Variants in RERE observed in about 807,000 individuals in gnomAD.
The protein encoded by RERE is arginine-glutamic acid dipeptide repeats protein.
In RERE, 40 loss-of-function variants were observed where a neutral mutation model predicts 146.1. The observed-to-expected ratio is 0.27, with a 90% confidence interval of 0.21 to 0.36. The LOEUF is 0.36. Ranked by LOEUF, RERE falls within the 10% of genes least tolerant of loss-of-function variation. The pLI, the probability that RERE is intolerant of heterozygous loss-of-function variation, is 1.00. For synonymous variants in RERE, 1,003 were observed against 866.0 expected (o/e 1.16, Z -2.78); for missense variants, 1,933 against 2,138.7 (o/e 0.90, Z 1.90).
chr1:8,445,896 T>G (rs1430504124), intron 11 of RERE, among the ~76,000 whole-genome samples: 2 of 134,200 alleles, frequency 1.5e-5, no homozygotes, highest in Non-Finnish European at 3.1e-5. Context: ...ACTGTTCAAC[T>G]CCCACTTACG....
chr1:8,781,062 AAAAAAAAAT>A, intron 1 of RERE, among the ~76,000 whole-genome samples: 1 of 151,930 alleles, frequency 6.6e-6, no homozygotes, highest in East Asian at 1.9e-4. Context: ...TCTGTACAAA[AAAAAAAAAT>A]TCTCGGCCAG....
At chr1:8,579,204 T>G (rs1646333505) in intron 4 of RERE, among the ~76,000 whole-genome samples, 1 of 152,184 alleles carries the variant, frequency 6.6e-6, no homozygotes, top group African/African-American at 2.4e-5. Context: ...GCTCTCTGCC[T>G]ACTACCATCA....
intron 1 of RERE, among the ~76,000 whole-genome samples, chr1:8,811,883 A>C (rs1432224384): frequency 1.3e-5 from 2 of 152,196 alleles, no homozygotes; most frequent in Non-Finnish European, 2.9e-5. Context: ...ATTCATATAC[A>C]GGGCCATGGC....
chr1:8,681,734 A>G (rs1638976066), intron 1 of RERE, among the ~76,000 whole-genome samples: 1 of 152,220 alleles, frequency 6.6e-6, no homozygotes, highest in Non-Finnish European at 1.5e-5. Context: ...AAGAAATTAA[A>G]CTGAAATAGG....
intron 1 of RERE, among the ~76,000 whole-genome samples, chr1:8,741,736 C>G: frequency 6.6e-6 from 1 of 152,266 alleles, no homozygotes; most frequent in East Asian, 1.9e-4. Flanking sequence ...ATTACCCAGT[C>G]TTAGACAGTT....
chr1:8,690,086 C>T lies in RERE; in HGVS notation c.-144-33645G>A, dbSNP rs147487652. Among the ~76,000 whole-genome samples the T allele has an allele frequency of 5.1e-3, 769 of 152,266 alleles. 9 individuals carry two copies. Among genetic ancestry groups the T allele is most frequent in the African/African-American group, 0.017 (719 of 41,516 alleles). Reference sequence around the variant, plus strand: ...AAAATTTATGCTCTGTATTAGTCCGCCATAACAGAATACCACAGACTGGGT... The same window carrying T: ...AAAATTTATGCTCTGTATTAGTCCGTCATAACAGAATACCACAGACTGGGT... On this transcript the variant is annotated intron_variant, in intron 1 of 22. Coordinates refer to ENST00000400908, the MANE Select transcript of RERE (RefSeq NM_001042681.2).
rs1394240120 is a variant in RERE, at chr1:8,364,438, G to T, written c.1541-183C>A. ...CCCCCAAGGCCAGGAGAGGGTTTCA[G>T]GGGCATCTGCTGCCCACTTCAACTT... On this transcript the variant is annotated intron_variant, in intron 14 of 22. Coordinates refer to ENST00000400908, the MANE Select transcript of RERE (RefSeq NM_001042681.2). The surrounding 1 kb of genome is among the most constrained non-coding windows in gnomAD (Gnocchi z 5.1). 1.3e-5 allele frequency among the ~76,000 whole-genome samples: 2 copies of T among 152,104 alleles called. No homozygotes were observed. Among genetic ancestry groups the T allele is most frequent in the Admixed American group, 1.3e-4 (2 of 15,278 alleles).
chr1:8,513,514 A>C (rs552620994), intron 7 of RERE, among the ~76,000 whole-genome samples: 1 of 152,242 alleles, frequency 6.6e-6, no homozygotes, highest in South Asian at 2.1e-4. Context: ...TACACCAAAA[A>C]CTCAACAAGT....
intron 12 of RERE, among the ~76,000 whole-genome samples, chr1:8,404,131 T>C (rs1452014961): frequency 6.6e-6 from 1 of 152,154 alleles, no homozygotes; most frequent in African/African-American, 2.4e-5. Context: ...ACCCAGCTTT[T>C]TTTTAAAAAA....
Position 8,361,144 on chromosome 1 carries a change from G to A in RERE, c.2363C>T (p.Pro788Leu), listed in dbSNP as rs1382077569. Residue 788 changes from proline (P) to leucine (L), a missense_variant, in exon 18 of 23, where the codon CCA becomes CTA. Pro to Leu is a moderately conservative substitution (Grantham distance 98). Transcript: ENST00000400908. ...SPTASQAPNQ[P>L]QAPTAPVPHT... ...GGGAACAGGCGCTGTGGGAGCCTGT[G>A]GCTGGTTAGGGGCCTGGGAGGCCGT... is the stretch of plus-strand genomic sequence containing the variant. 1.0e-5 allele frequency: 15 copies of A among 1,446,284 alleles called. No individual in the cohort carries two copies. The highest frequency in any genetic ancestry group is 9.9e-5 in the East Asian group (4 of 40,262). The allele number at this position is 1,446,284 out of a possible 1,614,324, so 89.6% of individuals were successfully genotyped here.
At chr1:8,355,663 C>A in intron 21 of RERE, 64 bp from the exon 22 acceptor site, 2 of 1,404,464 alleles carry the variant, frequency 1.4e-6, no homozygotes, top group Admixed American at 2.3e-5. Flanking sequence ...ACCAGGGCGG[C>A]ACAGGCACAG....
At chr1:8,585,265 T>C (rs1427696496) in intron 4 of RERE, among the ~76,000 whole-genome samples, 1 of 152,032 alleles carries the variant, frequency 6.6e-6, no homozygotes, top group Non-Finnish European at 1.5e-5. Flanking sequence ...TGACGTTAAA[T>C]AAAAACTCTG....
intron 4 of RERE, among the ~76,000 whole-genome samples, chr1:8,603,946 A>AAAAAG (rs1234068486): frequency 2.0e-5 from 3 of 151,472 alleles, no homozygotes; most frequent in African/African-American, 4.9e-5. Context: ...CTCAAAAAAA[A>AAAAAG]AAAAAGAAAA....
chr1:8,358,022 C>G (rs1364444666), intron 20 of RERE, among the ~76,000 whole-genome samples, 174 bp downstream of exon 20: 2 of 152,274 alleles, frequency 1.3e-5, no homozygotes, highest in African/African-American at 4.8e-5. Flanking sequence ...CGAGGAGAGA[C>G]TGCGATACAG....
At chr1:8,604,621 G>GAAT (rs1158875762) in intron 4 of RERE, among the ~76,000 whole-genome samples, 1 of 99,804 alleles carries the variant, frequency 1.0e-5, no homozygotes, top group Non-Finnish European at 2.0e-5. Context: ...AGGGAGGGAG[G>GAAT]GAGGAAGGAA....
At position 8,656,030 on chromosome 1, in the gene RERE, C is replaced by T; in HGVS notation, c.268G>A (p.Asp90Asn). The T allele has an allele frequency of 6.2e-7, 1 of 1,614,196 alleles. No homozygotes were observed. The highest frequency in any genetic ancestry group is 8.5e-7 in the Non-Finnish European group (1 of 1,180,036). Residue 90 changes from aspartate to asparagine, a missense_variant, in exon 2 of 23, where the codon GAT becomes AAT. Coordinates refer to ENST00000400908, the MANE Select transcript of RERE (RefSeq NM_001042681.2). ...ATGTAGGATGTTATCTCACCGGTAT[C>T]TGTCCTTTCATAACGAGACTTTTTT... ...PKKKSRYERT[D>N]TGEITSYITE...
At chr1:8,692,924 T>C (rs879688971) in intron 1 of RERE, among the ~76,000 whole-genome samples, 2 of 152,128 alleles carry the variant, frequency 1.3e-5, no homozygotes, top group Non-Finnish European at 2.9e-5. Flanking sequence ...CAAGACAGAG[T>C]ATGAGGCACA....
At chr1:8,516,254 G>C (rs1570377406) in intron 7 of RERE, among the ~76,000 whole-genome samples, 1 of 96,874 alleles carries the variant, frequency 1.0e-5, no homozygotes, top group Non-Finnish European at 2.1e-5. Context: ...AAAAAATCTA[G>C]GTGTATTATA....
chr1:8,764,327 C>T lies in RERE; in HGVS notation c.-145+52833G>A, dbSNP rs182203214. The stretch of plus-strand genomic sequence containing the variant: ...TCCCAGCCAGGTGCCTTAGTGCCAT[C>T]GGGAAAATGAGAGGAAACAAGGAAC... On this transcript the variant is annotated intron_variant, in intron 1 of 22. Transcript: ENST00000400908. 1.4e-4 allele frequency among the ~76,000 whole-genome samples: 22 copies of T among 152,128 alleles called. No individual in the cohort carries two copies. In the East Asian group the frequency reaches 3.3e-3, roughly 23 times the overall value.
Sources: gnomAD v4.1 joint callset for allele counts (sites outside exome capture counted in the v4.1 genomes callset) on GRCh38, gnomAD v4.1.1 for gene constraint, Gnocchi (gnomAD v3.1) non-coding constraint, MANE v1.5 for transcripts, NCBI Gene and HGNC (gene_info 2026-07-23, HGNC 2026-07-21) for gene names.